ZNF177: variants seen among roughly 807,000 people sequenced by gnomAD.
The protein encoded by ZNF177 is zinc finger protein 177.
A neutral mutation model predicts 19.4 loss-of-function variants in ZNF177; 17 were observed. The observed-to-expected ratio is 0.87, with a 90% CI of 0.60 to 1.31. The LOEUF is 1.31. Among genes scored for constraint, ZNF177 ranks in the 40% most tolerant of loss-of-function variants. The pLI, the probability that ZNF177 is intolerant of heterozygous loss-of-function variation, is 0.00. For synonymous variants in ZNF177, 220 were observed against 188.7 expected (o/e 1.17, Z -1.36); for missense variants, 633 against 561.8 (o/e 1.13, Z -1.28).
chr19:9,378,278 T>C, exon 2 of ZNF177: 1 of 1,613,130 alleles, frequency 6.2e-7, no homozygotes, highest in Non-Finnish European at 8.5e-7. Context: ...CTTAGGACTC[T>C]GCCCAGCCAG....
At chr19:9,376,120 G>A (rs1013985789), upstream of ZNF177, among the ~76,000 whole-genome samples, 2 of 151,890 alleles carry the variant, frequency 1.3e-5, no homozygotes, top group African/African-American at 4.8e-5. Flanking sequence ...TATGTGTTTT[G>A]ACTAGAGAAC....
chr19:9,375,681 T>C (rs967312421), upstream of ZNF177, among the ~76,000 whole-genome samples: 1 of 152,190 alleles, frequency 6.6e-6, no homozygotes, highest in South Asian at 2.1e-4. Context: ...TGCCTTCTCT[T>C]TCATTTCTAG....
Position 9,381,652 on chromosome 19 carries a change from G to A in ZNF177, c.1321G>A (p.Val441Ile), listed in dbSNP as rs138571503. 597 of 1,613,066 alleles carry A rather than the reference G, an allele frequency of 3.7e-4. No homozygotes were observed. Among genetic ancestry groups the A allele is most frequent in the Non-Finnish European group, 4.9e-4 (583 of 1,179,686 alleles). The change falls in exon 6 of 6, where the codon GTA (valine) becomes ATA (isoleucine). Residue 441 changes from valine to isoleucine, a missense_variant. Transcript: ENST00000589262. ...CTTTAGGAATTCCTCTTGCCTGAGG[G>A]TACACGTGAGAACTCACACTGGAGA...
At chr19:9,363,915 A>C (rs1411365922) in intron 1 of ZNF177, among the ~76,000 whole-genome samples, 1 of 152,226 alleles carries the variant, frequency 6.6e-6, no homozygotes, top group Non-Finnish European at 1.5e-5. Flanking sequence ...TCTCAGAAAG[A>C]AAGCTTTCAG....
chr19:9,381,835 T>C (rs1319328319), exon 6 of ZNF177: 4 of 1,528,218 alleles, frequency 2.6e-6, no homozygotes, highest in Admixed American at 2.1e-5. Flanking sequence ...TTAGAACATA[T>C]ATTGGAGAGA....
intron 2 of ZNF177, among the ~76,000 whole-genome samples, chr19:9,366,192 A>G (rs2067977203): frequency 6.6e-6 from 1 of 152,138 alleles, no homozygotes; most frequent in Non-Finnish European, 1.5e-5. Flanking sequence ...CATGTTGGCC[A>G]GAGTGGTCTG....
upstream of ZNF177, among the ~76,000 whole-genome samples, chr19:9,375,761 A>G (rs901367202): frequency 2.0e-5 from 3 of 152,076 alleles, no homozygotes; most frequent in African/African-American, 4.8e-5. Flanking sequence ...TTATCTTTTC[A>G]TACAACCAAC....
At position 9,381,678 on chromosome 19, in the gene ZNF177, GAAGCCTTATAAATGTATTCAGTGTGAAA is replaced by G. The variant is rs2068205010; in HGVS notation, c.1355_1382del (p.Tyr452LeufsTer8). 6.2e-7 allele frequency: 1 copy of G among 1,614,108 alleles called. No homozygotes were observed. ...TACACGTGAGAACTCACACTGGAGA[GAAGCCTTATAAATGTATTCAGTGTGAAA>G]AAGCCTTTAGCACAAGCACTAACCT... On this transcript the variant is annotated frameshift_variant, in exon 6 of 6. Transcript: ENST00000589262. LOFTEE classifies it low-confidence loss of function (END_TRUNC).
At chr19:9,373,770 CCCATTTTTTATT>C (rs1369141891), upstream of ZNF177, among the ~76,000 whole-genome samples, 1 of 151,990 alleles carries the variant, frequency 6.6e-6, no homozygotes, top group African/African-American at 2.4e-5. Flanking sequence ...AGATCCTTTA[CCCATTTTTTATT>C]CCATTTTTTT....
chr19:9,380,777 AAT>A lies in ZNF177; in HGVS notation c.452_453del (p.Ile151LysfsTer3). ...TATTGCAAGGGAGAGAAATGCTATA[AAT>A]ATATAAAGTATAGCAAAGTCTTCAA... On this transcript the variant is annotated frameshift_variant, in exon 6 of 6. Transcript: ENST00000589262. LOFTEE classifies it low-confidence loss of function (END_TRUNC). The A allele has an allele frequency of 6.5e-7, 1 of 1,536,120 alleles. No homozygotes were observed. The highest frequency in any genetic ancestry group is 8.7e-7 in the Non-Finnish European group (1 of 1,146,878).
chr19:9,378,253 C>T lies in ZNF177; in HGVS notation c.-53-6C>T. ...AGACTCTAATGGCTTCTGTGTTCTCCTCTAGCTCTGCCTGCTTAGGACTCT... is the reference window on the plus strand; with the variant it reads ...AGACTCTAATGGCTTCTGTGTTCTCTTCTAGCTCTGCCTGCTTAGGACTCT... On this transcript the variant is annotated splice_polypyrimidine_tract_variant and splice_region_variant and intron_variant, in intron 1 of 5. Coordinates refer to ENST00000589262, the Ensembl canonical transcript of ZNF177. 6.2e-7 allele frequency: 1 copy of T among 1,609,052 alleles called. No individual in the cohort carries two copies. Among genetic ancestry groups the T allele is most frequent in the African/African-American group, 1.3e-5 (1 of 74,840 alleles).
chr19:9,366,287 C>CT (rs964773405), intron 2 of ZNF177, among the ~76,000 whole-genome samples: 12 of 151,918 alleles, frequency 7.9e-5, no homozygotes, highest in Admixed American at 3.9e-4. Context: ...AGCCTCATTC[C>CT]TTTTTTTAAT....
chr19:9,376,701 T>A (rs2068113716), intron 1 of ZNF177, among the ~76,000 whole-genome samples: 1 of 152,216 alleles, frequency 6.6e-6, no homozygotes, highest in South Asian at 2.1e-4. Flanking sequence ...ACATTTTATG[T>A]TTTTGATGTC....
chr19:9,381,682 C>A lies in ZNF177; in HGVS notation c.1351C>A (p.Pro451Thr), dbSNP rs1261537938. ...CGTGAGAACTCACACTGGAGAGAAG[C>A]CTTATAAATGTATTCAGTGTGAAAA... is the stretch of plus-strand genomic sequence containing the variant. Residue 451 changes from proline to threonine, a missense_variant, in exon 6 of 6, where the codon CCT becomes ACT. Coordinates refer to ENST00000589262, the Ensembl canonical transcript of ZNF177. 3.1e-6 allele frequency: 5 copies of A among 1,614,072 alleles called. No homozygotes were observed. In the Admixed American group the frequency reaches 8.3e-5, roughly 27 times the overall value.
chr19:9,379,963 A>G (rs935222315), intron 4 of ZNF177, 94 bp from the exon 7 acceptor site: 28 of 1,392,650 alleles, frequency 2.0e-5, no homozygotes, highest in Non-Finnish European at 2.7e-5. Context: ...CTTAGAAGAT[A>G]TTATTTGAAA....
chr19:9,380,259 G>GC, intron 5 of ZNF177, 120 bp downstream of exon 7: 1 of 1,236,060 alleles, frequency 8.1e-7, no homozygotes, highest in Non-Finnish European at 1.1e-6. Context: ...TCACCAGAAA[G>GC]CTGTCTCGGG....
chr19:9,380,726 A>G, exon 6 of ZNF177: 2 of 1,535,948 alleles, frequency 1.3e-6, no homozygotes, highest in Non-Finnish European at 1.7e-6. Context: ...AAATTCAGAA[A>G]GAACACTCGC....
At chr19:9,377,244 G>GTAAA (rs1195677791) in intron 1 of ZNF177, among the ~76,000 whole-genome samples, 6 of 152,048 alleles carry the variant, frequency 3.9e-5, no homozygotes. Flanking sequence ...TGTAACAGTA[G>GTAAA]TAAATATGGT....
chr19:9,369,850 A>G (rs1289139005), intron 2 of ZNF177, among the ~76,000 whole-genome samples: 1 of 152,180 alleles, frequency 6.6e-6, no homozygotes, highest in East Asian at 1.9e-4. Flanking sequence ...GTGGAAGAAT[A>G]CAAGGAACAT....
Sources: allele counts gnomAD v4.1 joint callset (sites outside exome capture counted in the v4.1 genomes callset), GRCh38; gene constraint gnomAD v4.1.1; transcripts MANE v1.5; gene names NCBI Gene and HGNC (gene_info 2026-07-23, HGNC 2026-07-21).